ATRX: variants seen among roughly 807,000 people sequenced by gnomAD.
The protein encoded by ATRX is ATRX chromatin remodeler, also known as chromatin remodeler ATRX.
In ATRX, 12 loss-of-function variants were observed where a neutral mutation model predicts 172.6. The ratio of observed to expected loss-of-function variants is 0.07; its 90% confidence interval spans 0.04 to 0.11. The LOEUF is 0.11. ATRX is among the 10% of genes least tolerant of loss of function. ATRX has a pLI of 1.00. For synonymous variants in ATRX, 674 were observed against 594.7 expected (o/e 1.13, Z -1.94); for missense variants, 1,368 against 1,767.4 (o/e 0.77, Z 4.05).
chrX:77,602,950 G>A (rs1200761579), intron 22 of ATRX, among the ~76,000 whole-genome samples: 1 of 110,252 alleles, frequency 9.1e-6, no homozygotes, highest in Non-Finnish European at 1.9e-5. Flanking sequence ...TAAGATATAG[G>A]GGGAAAAGTT....
In ATRX at chrX:77,508,204, A is replaced by T; in HGVS notation, c.*147T>A. ...GGAAGAAATGGTATGCCCTATTTAAAAAAAAAAAAAGTAAAACTAATATGG... is the reference window on the plus strand; with the variant it reads ...GGAAGAAATGGTATGCCCTATTTAATAAAAAAAAAAGTAAAACTAATATGG... On this transcript the variant is annotated 3_prime_UTR_variant, in exon 35 of 35. Coordinates refer to ENST00000373344, the MANE Select transcript of ATRX (RefSeq NM_000489.6). The T allele has an allele frequency of 1.4e-6, 1 of 730,027 alleles. No individual in the cohort carries two copies. Among genetic ancestry groups the T allele is most frequent in the Non-Finnish European group, 2.0e-6 (1 of 512,536 alleles). 60.2% of individuals were successfully genotyped at this position (730,027 alleles called of 1,213,427 possible).
At chrX:77,718,877 T>A (rs1414897820) in intron 1 of ATRX, among the ~76,000 whole-genome samples, 1 of 111,407 alleles carries the variant, frequency 9.0e-6, no homozygotes, top group Non-Finnish European at 1.9e-5. Flanking sequence ...AAAGCAATCC[T>A]CCCGCCTCAG....
At chrX:77,647,479 T>C (rs782207670) in intron 15 of ATRX, among the ~76,000 whole-genome samples, 9 of 111,695 alleles carry the variant, frequency 8.1e-5, no homozygotes, top group Admixed American at 2.9e-4. Flanking sequence ...ATAAAGCAAA[T>C]ACAGCAACAT....
intron 30 of ATRX, among the ~76,000 whole-genome samples, chrX:77,530,444 T>TA (rs1271846419): frequency 9.1e-6 from 1 of 109,592 alleles, no homozygotes; most frequent in African/African-American, 3.3e-5. Flanking sequence ...CCATCTCTAC[T>TA]AAAAAATACA....
chrX:77,782,614 G>T (rs782458338), intron 1 of ATRX, among the ~76,000 whole-genome samples: 100 of 111,418 alleles, frequency 9.0e-4, no homozygotes, highest in Admixed American at 2.1e-3. Flanking sequence ...TTGGCCAGGT[G>T]TGGTGGCACT....
intron 25 of ATRX, chrX:77,594,825 G>A (rs2066416015): frequency 9.0e-6 from 1 of 111,125 alleles, no homozygotes; most frequent in Non-Finnish European, 1.9e-5. Context: ...TGTACAAATG[G>A]CTATACTGTT....
chrX:77,552,978 AT>A (rs2064619641), intron 30 of ATRX, among the ~76,000 whole-genome samples: 1 of 111,757 alleles, frequency 8.9e-6, no homozygotes, highest in Non-Finnish European at 1.9e-5. Flanking sequence ...AAAATGTATC[AT>A]TTTTAGCAGT....
intron 27 of ATRX, 82 bp from the exon 28 acceptor site, chrX:77,574,440 A>C: frequency 2.9e-6 from 2 of 699,892 alleles, no homozygotes; most frequent in Non-Finnish European, 2.3e-6. Context: ...CACCTTGCTC[A>C]TCATTTAAAA....
At chrX:77,677,875 T>C (rs1557134608) in intron 9 of ATRX, among the ~76,000 whole-genome samples, 2 of 111,008 alleles carry the variant, frequency 1.8e-5, no homozygotes, top group Non-Finnish European at 1.9e-5. Flanking sequence ...GGAAAAAATC[T>C]ATAAAGGAAA....
At chrX:77,738,472 A>G (rs2148836684) in intron 1 of ATRX, among the ~76,000 whole-genome samples, 1 of 109,404 alleles carries the variant, frequency 9.1e-6, no homozygotes, top group South Asian at 3.9e-4. Context: ...CACAGTCACT[A>G]ATGGAATTTA....
At chrX:77,740,050 T>TC (rs2074786887) in intron 1 of ATRX, among the ~76,000 whole-genome samples, 1 of 16,672 alleles carries the variant, frequency 6.0e-5, no homozygotes, top group Non-Finnish European at 1.1e-4. Flanking sequence ...CAAAACTCCA[T>TC]CCCAAAAAAA....
chrX:77,540,213 AC>A (rs1172891619), intron 30 of ATRX, among the ~76,000 whole-genome samples: 4 of 111,841 alleles, frequency 3.6e-5, no homozygotes, highest in African/African-American at 1.3e-4. Flanking sequence ...ATCAAAAGAG[AC>A]AAAGAAGGGC....
chrX:77,669,719 G>C (rs2070452258), intron 10 of ATRX, among the ~76,000 whole-genome samples: 2 of 110,834 alleles, frequency 1.8e-5, no homozygotes, highest in African/African-American at 6.6e-5. Context: ...TTTTATTTTA[G>C]AGACAGTCTT....
chrX:77,686,573 G>A (rs782588353), intron 7 of ATRX, among the ~76,000 whole-genome samples: 98 of 108,489 alleles, frequency 9.0e-4, no homozygotes, highest in Middle Eastern at 9.6e-3. Context: ...AAAATTAGCC[G>A]GGCGTGGTGG....
At chrX:77,605,853 G>C (rs1298716852) in intron 22 of ATRX, among the ~76,000 whole-genome samples, 4 of 110,943 alleles carry the variant, frequency 3.6e-5, no homozygotes, top group Non-Finnish European at 7.6e-5. Context: ...CTTTTAGTCA[G>C]ACTACTTATG....
intron 27 of ATRX, among the ~76,000 whole-genome samples, chrX:77,588,998 C>G (rs1557078713): frequency 2.7e-5 from 3 of 112,183 alleles, no homozygotes; most frequent in African/African-American, 9.7e-5. Context: ...TGTGGAGAAA[C>G]TGAAATGCTT....
intron 19 of ATRX, among the ~76,000 whole-genome samples, chrX:77,622,789 G>C (rs1040591543): frequency 2.7e-5 from 3 of 110,510 alleles, no homozygotes; most frequent in Non-Finnish European, 5.7e-5. Flanking sequence ...GGGGTAGGGG[G>C]TGCGGTACAC....
chrX:77,777,191 T>TA (rs782165810), intron 1 of ATRX, among the ~76,000 whole-genome samples: 3,154 of 20,964 alleles, frequency 0.15, 841 homozygotes, highest in East Asian at 0.38. Flanking sequence ...CTGTCTCTAC[T>TA]AAAAAAAAAA....
chrX:77,774,655 C>T (rs912269886), intron 1 of ATRX, among the ~76,000 whole-genome samples: 1 of 108,919 alleles, frequency 9.2e-6, no homozygotes, highest in Non-Finnish European at 1.9e-5. Flanking sequence ...CCAGCCTGGG[C>T]GACAGTGTGA....
Sources: allele counts gnomAD v4.1 joint callset (sites outside exome capture counted in the v4.1 genomes callset), GRCh38; gene constraint gnomAD v4.1.1; transcripts MANE v1.5; gene names NCBI Gene and HGNC (gene_info 2026-07-23, HGNC 2026-07-21).